KCNH7: variants seen among roughly 807,000 people sequenced by gnomAD.
KCNH7 encodes potassium voltage-gated channel subfamily H member 7.
Under a neutral mutation model 120.8 loss-of-function variants are expected in KCNH7, and 49 were observed. That is an observed-to-expected ratio of 0.41 (90% CI 0.32 to 0.51). The LOEUF (loss-of-function observed/expected upper bound fraction) is 0.51. KCNH7 is among the 20% of genes least tolerant of loss of function. KCNH7 has a pLI of 0.38. For synonymous variants in KCNH7, 547 were observed against 516.1 expected, an observed-to-expected ratio of 1.06 and a Z score of -0.81; for missense variants, 1,097 against 1,446.6, an observed-to-expected ratio of 0.76 and a Z score of 3.92.
At chr2:162,389,590 G>T (rs905436006) in intron 12 of KCNH7, among the ~76,000 whole-genome samples, 1 of 152,086 alleles carries the variant, frequency 6.6e-6, no homozygotes, top group Non-Finnish European at 1.5e-5. Flanking sequence ...TTTGGGAGAG[G>T]TGACCTCAGG....
At chr2:162,694,870 A>G (rs1375472223) in intron 2 of KCNH7, among the ~76,000 whole-genome samples, 2 of 151,692 alleles carry the variant, frequency 1.3e-5, no homozygotes, top group East Asian at 3.9e-4. Context: ...CAGCCTCCTG[A>G]GTAGCTGGGA....
At chr2:162,792,730 A>G (rs957055713) in intron 2 of KCNH7, among the ~76,000 whole-genome samples, 1 of 141,718 alleles carries the variant, frequency 7.1e-6, no homozygotes, top group Admixed American at 7.0e-5. Flanking sequence ...TTCAAAAAAA[A>G]CCCAGCTCCT....
At chr2:162,711,198 T>G (rs748206121) in intron 2 of KCNH7, among the ~76,000 whole-genome samples, 19 of 152,254 alleles carry the variant, frequency 1.2e-4, no homozygotes, top group Non-Finnish European at 1.8e-4. Flanking sequence ...TTTTATTCAG[T>G]GCATGCCCTC....
At chr2:162,820,254 T>TGTGTGTGTGTGTG (rs59154139) in intron 2 of KCNH7, among the ~76,000 whole-genome samples, 130 of 147,542 alleles carry the variant, frequency 8.8e-4, no homozygotes, top group South Asian at 1.7e-3. Context: ...TGTGTGTGTG[T>TGTGTGTGTGTGTG]TTAGTAGAGA....
At position 162,517,975 on chromosome 2, in the gene KCNH7, G is replaced by A; in HGVS notation, c.647C>T (p.Thr216Ile). Residue 216 changes from threonine (T) to isoleucine (I), a missense_variant, in exon 4 of 16, where the codon ACA becomes ATA. By Grantham distance (89) the Thr-to-Ile change is moderately conservative. This residue lies in a region of KCNH7 where 362 missense variants were observed against 372.2 expected (regional missense o/e 0.97). Coordinates refer to ENST00000332142, the MANE Select transcript of KCNH7 (RefSeq NM_033272.4). ...TTTGCTGGGCTGTATCAAAGCTTTT[G>A]TGTCATCTGCTTCAGAGGGGCTGCA... ...ESCSPSEADD[T>I]KALIQPSKCS... is the part of the protein sequence containing the mutation. 6.2e-7 allele frequency: 1 copy of A among 1,612,384 alleles called. No individual in the cohort carries two copies. Among genetic ancestry groups the A allele is most frequent in the African/African-American group, 1.3e-5 (1 of 74,874 alleles).
chr2:162,434,106 A>C (rs1175989364), intron 8 of KCNH7, among the ~76,000 whole-genome samples: 2 of 152,144 alleles, frequency 1.3e-5, no homozygotes, highest in Non-Finnish European at 2.9e-5. Flanking sequence ...GGAGGCCATT[A>C]TCCTAAGTGA....
intron 2 of KCNH7, among the ~76,000 whole-genome samples, chr2:162,665,849 C>T (rs1450308042): frequency 6.6e-6 from 1 of 152,150 alleles, no homozygotes; most frequent in East Asian, 1.9e-4. Flanking sequence ...TCCTCACCAA[C>T]TCTAACTAGC....
intron 2 of KCNH7, among the ~76,000 whole-genome samples, chr2:162,571,153 T>C (rs1436922822): frequency 6.6e-6 from 1 of 151,846 alleles, no homozygotes; most frequent in Non-Finnish European, 1.5e-5. Flanking sequence ...AACCCCATTG[T>C]CTCAGCCCAA....
chr2:162,776,149 T>C (rs1426622623), intron 2 of KCNH7, among the ~76,000 whole-genome samples: 2 of 152,202 alleles, frequency 1.3e-5, no homozygotes, highest in Non-Finnish European at 2.9e-5. Context: ...CAGGTATTTA[T>C]CAAGTACATA....
chr2:162,771,198 T>G (rs1251574057), intron 2 of KCNH7, among the ~76,000 whole-genome samples: 3 of 152,158 alleles, frequency 2.0e-5, no homozygotes, highest in Non-Finnish European at 4.4e-5. Context: ...TGTTATGGTT[T>G]CCGGCTTCTA....
rs1485665366 is a variant in KCNH7 at position 162,699,396 on chromosome 2, G to A, written c.307+137141C>T. Among the ~76,000 whole-genome samples the A allele has an allele frequency of 2.6e-5, 4 of 151,940 alleles. 1 individual carries two copies. The highest frequency in any genetic ancestry group is 5.9e-5 in the Non-Finnish European group (4 of 67,976). On this transcript the variant is annotated intron_variant, in intron 2 of 15. Transcript: ENST00000332142. ...GAATAGTATTTCATTATGTGTACTTGCAGTTTTAAACTTCATTACATCCTC... is the reference window on the plus strand; with the variant it reads ...GAATAGTATTTCATTATGTGTACTTACAGTTTTAAACTTCATTACATCCTC...
intron 9 of KCNH7, among the ~76,000 whole-genome samples, chr2:162,417,487 T>C (rs966737154): frequency 1.3e-5 from 2 of 152,130 alleles, no homozygotes; most frequent in Admixed American, 6.6e-5. Context: ...ATTTTAAGAA[T>C]TTCAAAAAAC....
chr2:162,798,431 T>C (rs2105536296), intron 2 of KCNH7, among the ~76,000 whole-genome samples: 1 of 152,180 alleles, frequency 6.6e-6, no homozygotes, highest in African/African-American at 2.4e-5. Context: ...TTTTAGAAAA[T>C]TATACACAGA....
intron 6 of KCNH7, among the ~76,000 whole-genome samples, chr2:162,448,444 G>C (rs920804326): frequency 1.3e-5 from 2 of 152,002 alleles, no homozygotes. Flanking sequence ...TGTGTACCCA[G>C]GGCACTCCAG....
chr2:162,452,918 A>G (rs543343398), intron 6 of KCNH7, among the ~76,000 whole-genome samples: 153 of 152,096 alleles, frequency 1.0e-3, no homozygotes, highest in African/African-American at 3.7e-3. Context: ...AAGGAATTTA[A>G]AAGTTTCCTC....
chr2:162,444,744 A>G (rs942869805), intron 7 of KCNH7, among the ~76,000 whole-genome samples: 1 of 152,118 alleles, frequency 6.6e-6, no homozygotes, highest in Admixed American at 6.6e-5. Flanking sequence ...AATGATGTGA[A>G]CCACCCATTA....
At chr2:162,605,805 T>G (rs1682742643) in intron 2 of KCNH7, among the ~76,000 whole-genome samples, 3 of 152,112 alleles carry the variant, frequency 2.0e-5, no homozygotes, top group Admixed American at 2.0e-4. Context: ...TTGCACTGTC[T>G]CTATTATTGA....
chr2:162,761,023 C>T (rs1376135104), intron 2 of KCNH7, among the ~76,000 whole-genome samples: 2 of 152,032 alleles, frequency 1.3e-5, no homozygotes, highest in African/African-American at 4.8e-5. Context: ...AAATGTTCTA[C>T]CTAAGAGTCA....
At chr2:162,703,175 T>C (rs538059525) in intron 2 of KCNH7, among the ~76,000 whole-genome samples, 41 of 152,122 alleles carry the variant, frequency 2.7e-4, no homozygotes, top group Non-Finnish European at 5.1e-4. Context: ...ATAATAGATA[T>C]GCCACACAAT....
Sources: allele counts gnomAD v4.1 joint callset (sites outside exome capture counted in the v4.1 genomes callset), GRCh38; gene constraint gnomAD v4.1.1; regional missense constraint gnomAD v4.1.1; transcripts MANE v1.5; gene names NCBI Gene and HGNC (gene_info 2026-07-23, HGNC 2026-07-21).